The following TTN variants were observed in gnomAD, a reference collection of about 807,000 sequenced individuals.
TTN encodes the protein titin, also known as connectin.
Under a neutral mutation model 3,223.0 loss-of-function variants are expected in TTN, and 1,525 were observed. The ratio of observed to expected loss-of-function variants is 0.47; its 90% CI spans 0.45 to 0.49. TTN has a LOEUF of 0.49. Among genes scored for constraint, TTN ranks in the 20% least tolerant of loss-of-function variants. TTN has a pLI of 0.00. For missense variants in TTN, 40,786 were observed against 43,424.0 expected (o/e 0.94, Z 5.40); for synonymous variants, 14,094 against 15,161.0 (o/e 0.93, Z 5.17).
intron 238 of TTN, among the ~76,000 whole-genome samples, 188 bp from the exon 239 acceptor site, chr2:178,630,555 G>A (rs138353620): frequency 6.6e-6 from 1 of 152,170 alleles, no homozygotes; most frequent in East Asian, 1.9e-4. Flanking sequence ...TATTTTAGCT[G>A]TATAATTCTG....
intron 9 of TTN, among the ~76,000 whole-genome samples, chr2:178,792,896 G>A (rs1262770731): frequency 1.3e-5 from 2 of 152,188 alleles, no homozygotes; most frequent in African/African-American, 2.4e-5. Flanking sequence ...CCCAAATGCC[G>A]CCAACCATGG....
Position 178,735,931 on chromosome 2 carries a change from G to T in TTN, c.14515C>A (p.Pro4839Thr). The T allele has an allele frequency of 6.2e-7, 1 of 1,613,858 alleles. No homozygotes were observed. Among genetic ancestry groups the T allele is most frequent in the Non-Finnish European group, 8.5e-7 (1 of 1,179,822 alleles). ...QKDGAALSPS[P>T]NWRISDAENK... ...TCTGCGTCGGAAATCCTCCAGTTAG[G>T]TGAAGGTGAGAGTGCAGCACCATCT... The change falls in exon 50 of 363, where the codon CCT (proline) becomes ACT (threonine). Residue 4839 changes from proline to threonine, a missense_variant. By Grantham distance (38) the Pro-to-Thr change is conservative (BLOSUM62 -1). Coordinates refer to ENST00000589042, the MANE Select transcript of TTN (RefSeq NM_001267550.2).
intron 121 of TTN, among the ~76,000 whole-genome samples, chr2:178,690,940 T>C (rs575067692): frequency 6.6e-6 from 1 of 152,314 alleles, no homozygotes; most frequent in South Asian, 2.1e-4. Context: ...AGATAGTATA[T>C]AGAAAAGGTT....
rs1575475627 is a variant in TTN at position 178,548,620 on chromosome 2, A to G, written c.93006T>C (p.Ser31002=). Residue 31002 remains serine, a synonymous_variant, in exon 339 of 363, where the codon AGT becomes AGC. Coordinates refer to ENST00000589042, the MANE Select transcript of TTN (RefSeq NM_001267550.2). The surrounding 1 kb of genome is among the most constrained non-coding windows in gnomAD (Gnocchi z 4.3). ...GKYTLTVENN[S]GSKSITFTVK... ...CGGTGAATGTGATTGACTTACTACC[A>G]CTGTTGTTTTCCACAGTAAGGGTAT... 6.2e-7 allele frequency: 1 copy of G among 1,613,894 alleles called. No individual in the cohort carries two copies. The highest frequency in any genetic ancestry group is 8.5e-7 in the Non-Finnish European group (1 of 1,179,808).
At chr2:178,705,732 C>T (rs145537894) in intron 102 of TTN, among the ~76,000 whole-genome samples, 107 of 151,938 alleles carry the variant, frequency 7.0e-4, no homozygotes, top group African/African-American at 2.3e-3. Context: ...ATCACGGAAA[C>T]GATGTGTGGA....
chr2:178,527,325 A>G lies in TTN; in HGVS notation c.107681-18T>C. ...CGGAATTCCTTTATGGAACAATGAC[A>G]AAAAAAAGGTCTTAGAATCACTGAA... On this transcript the variant is annotated intron_variant, in intron 362 of 362. Coordinates refer to ENST00000589042, the MANE Select transcript of TTN (RefSeq NM_001267550.2). 1 of 1,558,668 alleles carries G rather than the reference A, an allele frequency of 6.4e-7. No homozygotes were observed. The highest frequency in any genetic ancestry group is 8.7e-7 in the Non-Finnish European group (1 of 1,152,594).
At position 178,546,297 on chromosome 2, in the gene TTN, A is replaced by G. The variant is rs1697102710; in HGVS notation, c.95034T>C (p.Cys31678=). The change falls in exon 342 of 363, where the codon TGT becomes TGC. Residue 31678 remains cysteine, a synonymous_variant. Transcript: ENST00000589042. ...TGTATTTTCCACTGTCACTTCTGTC[A>G]CAGAACTTGATCACAGCAGTTGCTC... is the stretch of plus-strand genomic sequence containing the variant. ...GKRATAVIKF[C]DRSDSGKYTL... The G allele has an allele frequency of 1.9e-6, 3 of 1,613,732 alleles. No individual in the cohort carries two copies. Among genetic ancestry groups the G allele is most frequent in the East Asian group, 4.5e-5 (2 of 44,888 alleles).
At chr2:178,691,267 A>G (rs2072341663) in intron 121 of TTN, among the ~76,000 whole-genome samples, 1 of 152,138 alleles carries the variant, frequency 6.6e-6, no homozygotes, top group Admixed American at 6.6e-5. Context: ...CTATAACTGA[A>G]TGGATGCGTG....
At position 178,776,403 on chromosome 2, in the gene TTN, T is replaced by C; in HGVS notation, c.5461A>G (p.Arg1821Gly). The C allele has an allele frequency of 1.2e-6, 2 of 1,612,180 alleles. No homozygotes were observed. Among genetic ancestry groups the C allele is most frequent in the Non-Finnish European group, 1.7e-6 (2 of 1,179,978 alleles). Residue 1821 changes from arginine (R) to glycine (G), a missense_variant, in exon 28 of 363, where the codon AGA (arginine) becomes GGA (glycine). Transcript: ENST00000589042. Reference sequence around the variant, plus strand: ...GTAAGTGCACCTTCATGAGCCATTCTCTCTAATTCTTCAATTCTCTGTAAG... The same window carrying C: ...GTAAGTGCACCTTCATGAGCCATTCCCTCTAATTCTTCAATTCTCTGTAAG... ...KGLQRIEELE[R>G]MAHEGALTGV...
At position 178,608,848 on chromosome 2, in the gene TTN, C is replaced by G; in HGVS notation, c.52163G>C (p.Cys17388Ser). The change falls in exon 274 of 363, where the codon TGT (cysteine) becomes TCT (serine). Residue 17388 changes from cysteine (C) to serine (S), a missense_variant. Cys to Ser is a moderately radical substitution (Grantham distance 112). Transcript: ENST00000589042. The part of the protein sequence containing the change: ...FEDIRKTSVL[C>S]KWEPPLDDGG... ...ATCATCAAGGGGTGGTTCCCATTTA[C>G]AAAGGACTGAGGTCTTTCTGATATC... 1 of 1,612,234 alleles carries G rather than the reference C, an allele frequency of 6.2e-7. No homozygotes were observed.
In TTN at chr2:178,567,241, A is replaced by G. The variant is rs751434489; in HGVS notation, c.78891T>C (p.Thr26297=). 7 of 1,608,146 alleles carry G rather than the reference A, an allele frequency of 4.4e-6. No individual in the cohort carries two copies. The highest frequency in any genetic ancestry group is 1.1e-5 in the South Asian group (1 of 90,194). The part of the protein sequence containing the change: ...PGPPEGPVQV[T]GVTSEKCSLT... ...AAGAGCATTTTTCAGAAGTGACTCC[A>G]GTAACCTGGACTGGCCCTTCTGGAG... The change falls in exon 326 of 363, where the codon ACT becomes ACC. Residue 26297 remains threonine (T), a synonymous_variant. Coordinates refer to ENST00000589042, the MANE Select transcript of TTN (RefSeq NM_001267550.2).
rs777681919 is a variant in TTN, at chr2:178,561,011, A to T, written c.85121T>A (p.Val28374Asp). Reference protein sequence around the residue: ...RDVIVVKAGEVLKINADIAGR... With the variant: ...RDVIVVKAGEDLKINADIAGR... ...TGCAATGTCTGCATTTATCTTAAGG[A>T]CCTCTCCAGCTTTGACAACAATAAC... The change falls in exon 326 of 363, where the codon GTC (valine) becomes GAC (aspartate). Residue 28374 changes from valine (V) to aspartate (D), a missense_variant. By Grantham distance (152) the Val-to-Asp change is radical. Coordinates refer to ENST00000589042, the MANE Select transcript of TTN (RefSeq NM_001267550.2). The T allele has an allele frequency of 3.7e-6, 6 of 1,613,666 alleles. No homozygotes were observed. The highest frequency in any genetic ancestry group is 5.1e-6 in the Non-Finnish European group (6 of 1,179,782).
At position 178,764,189 on chromosome 2, in the gene TTN, C is replaced by T. The variant is rs771921268; in HGVS notation, c.10102G>A (p.Val3368Ile). The T allele has an allele frequency of 3.7e-6, 6 of 1,614,068 alleles. 1 individual carries two copies. In the South Asian group the frequency reaches 4.4e-5, roughly 12 times the overall value. The change falls in exon 43 of 363, where the codon GTT (valine) becomes ATT (isoleucine). Residue 3368 changes from valine to isoleucine, a missense_variant. By Grantham distance (29) the Val-to-Ile change is conservative. Transcript: ENST00000589042. ...TTCTTAAACCTACCTGTTCCAGAAA[C>T]CCGGCATTGAAAACGGGCTGGCTGC... ...EGQPARFQCR[V>I]SGTDLKVSWY... is the part of the protein sequence containing the mutation.
intron 152 of TTN, among the ~76,000 whole-genome samples, chr2:178,673,334 A>G (rs2067342636): frequency 6.6e-6 from 1 of 151,864 alleles, no homozygotes; most frequent in Admixed American, 6.6e-5. Flanking sequence ...ATGGAATAAA[A>G]TCTAAAATGT....
intron 359 of TTN, among the ~76,000 whole-genome samples, chr2:178,529,708 G>C (rs72629791): frequency 2.6e-5 from 4 of 152,158 alleles, no homozygotes; most frequent in Admixed American, 2.6e-4. Context: ...TGGGAGCAGG[G>C]GCTGACACTA....
At position 178,682,839 on chromosome 2, in the gene TTN, T is replaced by A. The variant is rs1265802962; in HGVS notation, c.32952A>T (p.Gln10984His). The A allele has an allele frequency of 1.2e-6, 2 of 1,612,940 alleles. No homozygotes were observed. Among genetic ancestry groups the A allele is most frequent in the South Asian group, 1.1e-5 (1 of 90,950 alleles). ...YTLEEEAVSV[Q>H]REEEYEEYEE... Reference sequence around the variant, plus strand: ...CATATTCCTCATATTCTTCTTCCCGTTGTACTGAAACAGCTTCTTCTTCTA... The same window carrying A: ...CATATTCCTCATATTCTTCTTCCCGATGTACTGAAACAGCTTCTTCTTCTA... The change falls in exon 135 of 363, where the codon CAA (glutamine) becomes CAT (histidine). Residue 10984 changes from glutamine to histidine, a missense_variant. By Grantham distance (24) the Gln-to-His change is conservative. Transcript: ENST00000589042.
Position 178,630,292 on chromosome 2 carries a change from C to T in TTN, c.44230G>A (p.Val14744Met), listed in dbSNP as rs1465329711. The change falls in exon 239 of 363, where the codon GTG (valine) becomes ATG (methionine). Residue 14744 changes from valine (V) to methionine (M), a missense_variant. Val to Met is a conservative substitution (Grantham distance 21). Transcript: ENST00000589042. ...TTAACATTGGCAGCTTGGAAATCCA[C>T]CCCACCCGTCTGGTCCAGGCGACAG... is the stretch of plus-strand genomic sequence containing the variant. The part of the protein sequence containing the change: ...HNCRLDQTGG[V>M]DFQAANVKSS... The T allele has an allele frequency of 2.5e-6, 4 of 1,612,986 alleles. No homozygotes were observed. The highest frequency in any genetic ancestry group is 3.4e-6 in the Non-Finnish European group (4 of 1,179,446).
In TTN at chr2:178,609,861, C is replaced by T; in HGVS notation, c.51562G>A (p.Ala17188Thr). Residue 17188 changes from alanine to threonine, a missense_variant, in exon 272 of 363, where the codon GCT becomes ACT. Ala to Thr is a moderately conservative substitution (Grantham distance 58, BLOSUM62 0). Coordinates refer to ENST00000589042, the MANE Select transcript of TTN (RefSeq NM_001267550.2). ...CTCTTCCACCTTTCTTCACCCTTAG[C>T]AATCTTCTCTATGATGTAGCCCATT... ...KIMGYIIEKI[A>T]KGEERWKRCN... The T allele has an allele frequency of 6.2e-7, 1 of 1,613,032 alleles. No individual in the cohort carries two copies. The highest frequency in any genetic ancestry group is 8.5e-7 in the Non-Finnish European group (1 of 1,179,260).
In TTN at chr2:178,797,245, T is replaced by A. The variant is rs181185193; in HGVS notation, c.915-1993A>T. On this transcript the variant is annotated intron_variant, in intron 6 of 362. Coordinates refer to ENST00000589042, the MANE Select transcript of TTN (RefSeq NM_001267550.2). The stretch of plus-strand genomic sequence containing the variant: ...TGGATTTAGCCTGAGACTGAACATT[T>A]TTTTTTATTCGACTGCTAGACATGT... 7.1e-3 allele frequency among the ~76,000 whole-genome samples: 1,079 copies of A among 152,272 alleles called. 10 individuals carry two copies. Among genetic ancestry groups the A allele is most frequent in the African/African-American group, 0.025 (1,034 of 41,568 alleles).
Sources: allele counts gnomAD v4.1 joint callset (sites outside exome capture counted in the v4.1 genomes callset), GRCh38; gene constraint gnomAD v4.1.1; non-coding constraint Gnocchi (gnomAD v3.1); transcripts MANE v1.5; gene names NCBI Gene and HGNC (gene_info 2026-07-23, HGNC 2026-07-21).